The following PKP2 variants were observed in gnomAD, a reference collection of about 807,000 sequenced individuals.
The protein encoded by PKP2 is plakophilin 2, also known as plakophilin-2.
Under a neutral mutation model 83.4 loss-of-function variants are expected in PKP2, and 73 were observed. The observed-to-expected ratio is 0.88, with a 90% CI of 0.72 to 1.06. The LOEUF is 1.06. PKP2 is among the 50% of genes least tolerant of loss of function. The probability of loss-of-function intolerance (pLI) is 0.00; values close to 1 mark genes in which losing one functional copy is unlikely to be tolerated. For synonymous variants in PKP2, 409 were observed against 430.4 expected, an observed-to-expected ratio of 0.95 and a Z score of 0.62; for missense variants, 966 against 1,065.4, an observed-to-expected ratio of 0.91 and a Z score of 1.30.
chr12:32,815,180 C>T (rs1359905260), intron 9 of PKP2, among the ~76,000 whole-genome samples: 5 of 152,172 alleles, frequency 3.3e-5, no homozygotes, highest in Non-Finnish European at 7.4e-5. Context: ...GTTTCAAAGC[C>T]TTACACCAGA....
chr12:32,817,850 G>A (rs1424859146), intron 9 of PKP2, among the ~76,000 whole-genome samples: 1 of 152,128 alleles, frequency 6.6e-6, no homozygotes, highest in Non-Finnish European at 1.5e-5. Flanking sequence ...GGAACCCGCC[G>A]CACAGCAGAA....
intron 4 of PKP2, among the ~76,000 whole-genome samples, chr12:32,858,613 T>G (rs761124758): frequency 6.6e-6 from 1 of 152,110 alleles, no homozygotes; most frequent in Non-Finnish European, 1.5e-5. Flanking sequence ...TTTAGTTTGA[T>G]CTCATAAGAA....
intron 4 of PKP2, among the ~76,000 whole-genome samples, chr12:32,862,748 C>A (rs964452626): frequency 6.6e-6 from 1 of 152,132 alleles, no homozygotes. Flanking sequence ...CAGGAGGACC[C>A]AAGTGGATCA....
At chr12:32,815,033 T>G (rs1275344756) in intron 9 of PKP2, among the ~76,000 whole-genome samples, 1 of 151,452 alleles carries the variant, frequency 6.6e-6, no homozygotes, top group Non-Finnish European at 1.5e-5. Context: ...TCTTTTCTGA[T>G]TTTATACTTG....
chr12:32,802,580 A>G (rs371812162), intron 9 of PKP2, 24 bp from the exon 10 acceptor site: 34 of 1,607,800 alleles, frequency 2.1e-5, no homozygotes, highest in Non-Finnish European at 2.8e-5. Context: ...CATATCCTAT[A>G]AGTGCTATTG....
chr12:32,893,148 G>A (rs1007238026), intron 1 of PKP2, among the ~76,000 whole-genome samples: 3 of 152,166 alleles, frequency 2.0e-5, no homozygotes, highest in African/African-American at 4.8e-5. Flanking sequence ...AAAGACTCTT[G>A]CAAGATACTT....
intron 5 of PKP2, among the ~76,000 whole-genome samples, chr12:32,845,792 G>A (rs1466607109): frequency 6.6e-6 from 1 of 151,936 alleles, no homozygotes; most frequent in African/African-American, 2.4e-5. Flanking sequence ...TCAAAGAGTG[G>A]GAGGAATTTT....
At chr12:32,860,454 T>C (rs999241178) in intron 4 of PKP2, among the ~76,000 whole-genome samples, 1 of 152,144 alleles carries the variant, frequency 6.6e-6, no homozygotes, top group Non-Finnish European at 1.5e-5. Flanking sequence ...TCTCAAAAAT[T>C]CCTGCTACAT....
rs529893990 is a variant in PKP2, at chr12:32,864,401, C to T, written c.1170+4526G>A. Among the ~76,000 whole-genome samples the T allele has an allele frequency of 4.7e-5, 7 of 149,558 alleles. No individual in the cohort carries two copies. In the South Asian group the frequency reaches 1.5e-3, roughly 31 times the overall value. ...ATTCTATATACTAGCAATGAACAACCAAAAATAGAAATTAAAAAGTACCAT... is the reference window on the plus strand; with the variant it reads ...ATTCTATATACTAGCAATGAACAACTAAAAATAGAAATTAAAAAGTACCAT... On this transcript the variant is annotated intron_variant, in intron 4 of 12. Coordinates refer to ENST00000340811, the MANE Select transcript of PKP2 (RefSeq NM_001005242.3).
At chr12:32,798,794 A>C (rs1008468814) in intron 10 of PKP2, among the ~76,000 whole-genome samples, 16 of 152,246 alleles carry the variant, frequency 1.1e-4, no homozygotes, top group African/African-American at 3.9e-4. Flanking sequence ...TAAATCTGAG[A>C]CCTGAAACCA....
intron 4 of PKP2, among the ~76,000 whole-genome samples, chr12:32,854,965 A>G (rs912771493): frequency 1.3e-5 from 2 of 152,166 alleles, no homozygotes; most frequent in Non-Finnish European, 2.9e-5. Context: ...AGCCCTACTC[A>G]TCCTGTGGGA....
At chr12:32,818,967 G>C (rs1004915248) in intron 9 of PKP2, among the ~76,000 whole-genome samples, 1 of 152,028 alleles carries the variant, frequency 6.6e-6, no homozygotes, top group African/African-American at 2.4e-5. Context: ...ATTTTAAAAA[G>C]CATCCCGTAA....
intron 4 of PKP2, among the ~76,000 whole-genome samples, chr12:32,852,640 C>T (rs145542923): frequency 8.5e-5 from 13 of 152,268 alleles, no homozygotes; most frequent in African/African-American, 2.9e-4. Flanking sequence ...CTCTTGATTC[C>T]TTTAAGGCTT....
At chr12:32,808,148 C>T (rs9988940) in intron 9 of PKP2, among the ~76,000 whole-genome samples, 29,701 of 152,048 alleles carry the variant, frequency 0.2, 3,563 homozygotes, top group East Asian at 0.56. Flanking sequence ...TCCCTGTCTC[C>T]TTCAGGTACC....
At chr12:32,826,280 C>G (rs553913946) in intron 6 of PKP2, among the ~76,000 whole-genome samples, 1 of 140,156 alleles carries the variant, frequency 7.1e-6, no homozygotes, top group African/African-American at 2.7e-5. Flanking sequence ...CACTCCAGCC[C>G]GGGTGACAAA....
At chr12:32,896,132 T>C (rs73090787) in intron 1 of PKP2, among the ~76,000 whole-genome samples, 6,289 of 152,222 alleles carry the variant, frequency 0.041, 177 homozygotes, top group Middle Eastern at 0.082. Flanking sequence ...CAGAAAAAGA[T>C]CGTACACACC....
chr12:32,793,612 G>GTTTT (rs1565571416), intron 11 of PKP2, among the ~76,000 whole-genome samples: 1 of 94,312 alleles, frequency 1.1e-5, no homozygotes, highest in Non-Finnish European at 2.1e-5. Flanking sequence ...TTCATATTCT[G>GTTTT]CTTTTTTTTT....
At chr12:32,847,142 T>A (rs1956654399) in intron 5 of PKP2, among the ~76,000 whole-genome samples, 1 of 152,194 alleles carries the variant, frequency 6.6e-6, no homozygotes, top group Admixed American at 6.5e-5. Context: ...AAGATTCACA[T>A]ATATACTTAC....
intron 9 of PKP2, among the ~76,000 whole-genome samples, chr12:32,816,115 A>G (rs950701101): frequency 5.9e-5 from 9 of 152,132 alleles, no homozygotes; most frequent in Admixed American, 3.3e-4. Flanking sequence ...CAGAGGGTGG[A>G]TGTGCAGGTT....
Sources: gnomAD v4.1 joint callset for allele counts (sites outside exome capture counted in the v4.1 genomes callset) on GRCh38, gnomAD v4.1.1 for gene constraint, MANE v1.5 for transcripts, NCBI Gene and HGNC (gene_info 2026-07-23, HGNC 2026-07-21) for gene names.